Variants in MKLN1 observed in about 807,000 individuals in gnomAD.
MKLN1 encodes the protein muskelin 1.
MKLN1 carries 18 observed loss-of-function variants against 99.0 expected under a neutral mutation model. The ratio of observed to expected loss-of-function variants is 0.18; its 90% CI spans 0.13 to 0.27. The LOEUF is 0.27. Among genes scored for constraint, MKLN1 ranks in the 10% least tolerant of loss-of-function variants. The pLI is 1.00. For synonymous variants in MKLN1, 288 were observed against 293.2 expected (o/e 0.98, Z 0.18); for missense variants, 621 against 875.9 (o/e 0.71, Z 3.67).
At chr7:131,227,370 CTTTT>C (rs1584850895) in intron 3 of MKLN1, among the ~76,000 whole-genome samples, 1 of 149,530 alleles carries the variant, frequency 6.7e-6, no homozygotes, top group East Asian at 1.9e-4. Flanking sequence ...CTCTTTCTTT[CTTTT>C]TCTTTCTTTT....
chr7:131,413,831 G>A (rs1344957204), intron 7 of MKLN1, among the ~76,000 whole-genome samples: 4 of 152,246 alleles, frequency 2.6e-5, no homozygotes, highest in South Asian at 2.1e-4. Flanking sequence ...GAGCCACCGC[G>A]CCCGGCCATA....
chr7:131,333,917 G>A (rs1277818357), intron 1 of MKLN1, among the ~76,000 whole-genome samples: 2 of 152,146 alleles, frequency 1.3e-5, no homozygotes, highest in African/African-American at 4.8e-5. Context: ...CCTTCTATCT[G>A]TGTAGACTAC....
At chr7:131,337,736 T>C (rs1016966380) in intron 1 of MKLN1, among the ~76,000 whole-genome samples, 6 of 150,624 alleles carry the variant, frequency 4.0e-5, no homozygotes, top group African/African-American at 1.2e-4. Context: ...TAATAGTTAA[T>C]ATATTTGTAT....
intron 2 of MKLN1, among the ~76,000 whole-genome samples, chr7:131,194,178 G>C (rs10265105): frequency 6.6e-6 from 1 of 151,920 alleles, no homozygotes; most frequent in African/African-American, 2.4e-5. Flanking sequence ...GAACAATTCA[G>C]AGGCATTTAG....
At chr7:131,462,441 C>T (rs1796543379) in intron 12 of MKLN1, among the ~76,000 whole-genome samples, 1 of 152,140 alleles carries the variant, frequency 6.6e-6, no homozygotes, top group African/African-American at 2.4e-5. Flanking sequence ...AATTTTTTTT[C>T]CCAGGTCAAG....
chr7:131,273,284 A>G (rs1023457955), intron 3 of MKLN1, among the ~76,000 whole-genome samples: 14 of 152,088 alleles, frequency 9.2e-5, no homozygotes, highest in African/African-American at 2.7e-4. Context: ...GAGGCAGGGT[A>G]TTTTCCATGG....
chr7:131,469,688 C>T (rs2116636833), intron 15 of MKLN1, among the ~76,000 whole-genome samples: 1 of 152,294 alleles, frequency 6.6e-6, no homozygotes, highest in African/African-American at 2.4e-5. Context: ...CTTTCCTACT[C>T]AAAGAAAATT....
At chr7:131,457,565 TAGAG>T (rs1563358535) in intron 12 of MKLN1, among the ~76,000 whole-genome samples, 1 of 152,064 alleles carries the variant, frequency 6.6e-6, no homozygotes, top group Non-Finnish European at 1.5e-5. Context: ...CTAAGAAAGA[TAGAG>T]AATTGTTGTA....
chr7:131,199,395 C>A (rs1214943750), intron 2 of MKLN1, among the ~76,000 whole-genome samples: 1 of 152,082 alleles, frequency 6.6e-6, no homozygotes, highest in African/African-American at 2.4e-5. Context: ...ACTACTGGTG[C>A]ATGCCAATAC....
intron 2 of MKLN1, among the ~76,000 whole-genome samples, chr7:131,169,281 G>A (rs1275775789): frequency 3.9e-5 from 6 of 152,152 alleles, no homozygotes; most frequent in Non-Finnish European, 8.8e-5. Flanking sequence ...TATTATATAG[G>A]CATTGCCTAA....
At chr7:131,370,802 G>T (rs965024743) in intron 1 of MKLN1, among the ~76,000 whole-genome samples, 2 of 152,172 alleles carry the variant, frequency 1.3e-5, no homozygotes, top group African/African-American at 4.8e-5. Flanking sequence ...CTTAGGGAGA[G>T]AAGTATTCAA....
rs1794056269 is a variant in MKLN1 at position 131,387,141 on chromosome 7, A to C, written c.190A>C (p.Arg64=). 6.2e-7 allele frequency: 1 copy of C among 1,600,366 alleles called. No individual in the cohort carries two copies. Among genetic ancestry groups the C allele is most frequent in the African/African-American group, 1.4e-5 (1 of 73,882 alleles). ...PPQYLILKLE[R]PAIVQNITFG... Reference sequence around the variant, plus strand: ...TTAGTACTTGATTCTAAAGCTCGAAAGGCCTGCTATAGTTCAGAATATCAC... The same window carrying C: ...TTAGTACTTGATTCTAAAGCTCGAACGGCCTGCTATAGTTCAGAATATCAC... Residue 64 remains arginine (R), a synonymous_variant, in exon 3 of 18, where the codon AGG becomes CGG. Transcript: ENST00000352689.
chr7:131,405,572 C>G (rs1369054092), intron 6 of MKLN1, among the ~76,000 whole-genome samples: 1 of 152,014 alleles, frequency 6.6e-6, no homozygotes, highest in African/African-American at 2.4e-5. Context: ...TTGAAAATTT[C>G]CCTTATATAC....
intron 2 of MKLN1, among the ~76,000 whole-genome samples, chr7:131,145,677 C>G (rs979001933): frequency 5.3e-5 from 8 of 152,306 alleles, no homozygotes; most frequent in African/African-American, 1.9e-4. Context: ...AGCTACCTTT[C>G]AAAGTTTGAG....
chr7:131,196,710 C>T (rs1330560256), intron 2 of MKLN1, among the ~76,000 whole-genome samples: 2 of 152,092 alleles, frequency 1.3e-5, no homozygotes, highest in African/African-American at 4.8e-5. Context: ...CCTATTTTTG[C>T]CTGCTGTCCT....
At chr7:131,477,811 C>T (rs1797009104) in intron 16 of MKLN1, among the ~76,000 whole-genome samples, 1 of 152,200 alleles carries the variant, frequency 6.6e-6, no homozygotes, top group African/African-American at 2.4e-5. Flanking sequence ...CTGCTCAAGT[C>T]TTGGGAAGTG....
At chr7:131,353,753 T>A (rs551894946) in intron 1 of MKLN1, among the ~76,000 whole-genome samples, 8 of 152,052 alleles carry the variant, frequency 5.3e-5, no homozygotes, top group African/African-American at 1.9e-4. Flanking sequence ...AGTTTTATAT[T>A]TTACATTTTC....
rs141898899 is a variant in MKLN1 at position 131,288,619 on chromosome 7, C to T, written c.-179+85645C>T. Among the ~76,000 whole-genome samples the T allele has an allele frequency of 2.5e-4, 38 of 152,296 alleles. No individual in the cohort carries two copies. The East Asian group carries it at 5.6e-3, about 22-fold the overall frequency. On this transcript the variant is annotated intron_variant, in intron 3 of 7. Coordinates refer to the MKLN1 transcript ENST00000416992. ...GTCCTTCTCTGCCACACTCTGGCAA[C>T]GAGGAGTGGGAAGGTGATTCAGCAC...
At chr7:131,147,770 A>G (rs1279713943) in intron 2 of MKLN1, among the ~76,000 whole-genome samples, 1 of 152,148 alleles carries the variant, frequency 6.6e-6, no homozygotes, top group Non-Finnish European at 1.5e-5. Context: ...TGGTTCCCCA[A>G]AGAGCTGGAA....
Sources: allele counts gnomAD v4.1 joint callset (sites outside exome capture counted in the v4.1 genomes callset), GRCh38; gene constraint gnomAD v4.1.1; transcripts MANE v1.5; gene names NCBI Gene and HGNC (gene_info 2026-07-23, HGNC 2026-07-21).